Variants in SYN3 observed in about 807,000 individuals in gnomAD.
SYN3 encodes the protein synapsin III.
In SYN3, 35 loss-of-function variants were observed where a neutral mutation model predicts 65.8. The observed-to-expected ratio is 0.53, with a 90% confidence interval of 0.41 to 0.70. SYN3 has a LOEUF of 0.70. Among genes scored for constraint, SYN3 ranks in the 30% least tolerant of loss-of-function variants. The probability of loss-of-function intolerance (pLI) is 0.00; values close to 1 mark genes in which losing one functional copy is unlikely to be tolerated. For synonymous variants in SYN3, 270 were observed against 292.9 expected, an observed-to-expected ratio of 0.92 and a Z score of 0.80; for missense variants, 680 against 749.0, an observed-to-expected ratio of 0.91 and a Z score of 1.08.
At chr22:32,614,029 C>A (rs1174039378) in intron 6 of SYN3, among the ~76,000 whole-genome samples, 2 of 152,206 alleles carry the variant, frequency 1.3e-5, no homozygotes, top group Non-Finnish European at 2.9e-5. Context: ...TCAAGTTCTG[C>A]ATTTGTGAAT....
intron 2 of SYN3, among the ~76,000 whole-genome samples, chr22:32,994,663 G>A (rs1249688558): frequency 6.6e-6 from 1 of 152,106 alleles, no homozygotes; most frequent in African/African-American, 2.4e-5. Context: ...CTAGGAGGAG[G>A]GGACTGACTT....
chr22:32,912,756 A>G (rs751642710), intron 4 of SYN3, among the ~76,000 whole-genome samples: 8 of 152,138 alleles, frequency 5.3e-5, no homozygotes, highest in Non-Finnish European at 1.2e-4. Flanking sequence ...AAGGCTACAT[A>G]CTGAATAATT....
intron 6 of SYN3, among the ~76,000 whole-genome samples, chr22:32,675,530 C>T (rs1192926976): frequency 3.9e-5 from 6 of 152,020 alleles, no homozygotes; most frequent in African/African-American, 1.2e-4. Flanking sequence ...ATGCTGGAGA[C>T]GTTATTAAAA....
chr22:32,652,939 C>A (rs1012366), intron 6 of SYN3, among the ~76,000 whole-genome samples: 46,228 of 152,082 alleles, frequency 0.3, 10,016 homozygotes, highest in East Asian at 0.73. Context: ...ACCTCACAGT[C>A]AATAAGAATT....
intron 6 of SYN3, among the ~76,000 whole-genome samples, chr22:32,628,105 G>T (rs1318599384): frequency 6.6e-6 from 1 of 152,140 alleles, no homozygotes; most frequent in Non-Finnish European, 1.5e-5. Flanking sequence ...GATTACAGGT[G>T]TGAGCCACCG....
chr22:33,034,204 A>G (rs767678668), intron 1 of SYN3, among the ~76,000 whole-genome samples: 1 of 151,360 alleles, frequency 6.6e-6, no homozygotes, highest in Non-Finnish European at 1.5e-5. Flanking sequence ...ACACACACAC[A>G]CAATTAAAAG....
intron 6 of SYN3, among the ~76,000 whole-genome samples, chr22:32,748,185 T>C (rs1602050043): frequency 1.3e-5 from 2 of 152,200 alleles, no homozygotes; most frequent in South Asian, 4.1e-4. Context: ...AGTCTCATAA[T>C]ATAAGAATGA....
chr22:32,850,364 C>T (rs1388476995), intron 6 of SYN3, among the ~76,000 whole-genome samples: 1 of 151,962 alleles, frequency 6.6e-6, no homozygotes, highest in East Asian at 1.9e-4. Context: ...CTCTCTAGCT[C>T]AGGCATTCTA....
At chr22:32,642,671 G>A (rs1336711310) in intron 6 of SYN3, among the ~76,000 whole-genome samples, 3 of 151,804 alleles carry the variant, frequency 2.0e-5, no homozygotes, top group African/African-American at 4.8e-5. Flanking sequence ...CTCGTGATCC[G>A]CCCGCCTCGG....
chr22:32,972,049 G>A (rs1271707193), intron 3 of SYN3, among the ~76,000 whole-genome samples: 1 of 152,186 alleles, frequency 6.6e-6, no homozygotes, highest in Non-Finnish European at 1.5e-5. Context: ...TGTGACCTTG[G>A]AAGAGGCAGC....
chr22:32,581,843 T>G (rs1286549514), intron 7 of SYN3, among the ~76,000 whole-genome samples: 2 of 140,806 alleles, frequency 1.4e-5, no homozygotes, highest in African/African-American at 2.7e-5. Flanking sequence ...GTGGCCCAGG[T>G]TGGAGTGCGG....
intron 4 of SYN3, among the ~76,000 whole-genome samples, chr22:32,909,410 G>A (rs2049988629): frequency 6.6e-6 from 1 of 152,116 alleles, no homozygotes. Context: ...CAGGATCTAG[G>A]CAAAGCTGCC....
At chr22:32,881,896 A>C (rs2049150097) in intron 4 of SYN3, among the ~76,000 whole-genome samples, 1 of 152,024 alleles carries the variant, frequency 6.6e-6, no homozygotes, top group Admixed American at 6.6e-5. Context: ...TCTCTACTAA[A>C]AATACAAAAA....
At chr22:32,543,147 C>G (rs533718564) in intron 7 of SYN3, among the ~76,000 whole-genome samples, 1 of 152,276 alleles carries the variant, frequency 6.6e-6, no homozygotes, top group South Asian at 2.1e-4. Context: ...CTGTCCCTCC[C>G]ACAAGAATGC....
chr22:32,544,666 A>C (rs2058310516), intron 7 of SYN3, among the ~76,000 whole-genome samples: 1 of 152,032 alleles, frequency 6.6e-6, no homozygotes, highest in Admixed American at 6.5e-5. Flanking sequence ...CTATGTTGCC[A>C]CCTCTTCTTC....
chr22:32,707,129 TAATGATGATATTGATA>T (rs1266245416), intron 6 of SYN3, among the ~76,000 whole-genome samples: 1 of 152,210 alleles, frequency 6.6e-6, no homozygotes. Flanking sequence ...AATGATAAAA[TAATGATGATATTGATA>T]AAAACCCATG....
intron 6 of SYN3, among the ~76,000 whole-genome samples, chr22:32,848,003 T>C (rs983444822): frequency 6.6e-6 from 1 of 152,258 alleles, no homozygotes; most frequent in African/African-American, 2.4e-5. Context: ...TTTTCTTTGG[T>C]TGAGCCAATG....
chr22:32,552,299 T>G (rs1414193625), intron 7 of SYN3, among the ~76,000 whole-genome samples: 1 of 152,112 alleles, frequency 6.6e-6, no homozygotes, highest in Non-Finnish European at 1.5e-5. Flanking sequence ...GGGTGAATTT[T>G]ATAGCATGAG....
At chr22:32,565,590 C>G (rs2058661466) in intron 7 of SYN3, among the ~76,000 whole-genome samples, 2 of 150,768 alleles carry the variant, frequency 1.3e-5, no homozygotes, top group Admixed American at 6.6e-5. Flanking sequence ...GATCCTAGCT[C>G]ACTGCAGCCT....
Sources: gnomAD v4.1 joint callset for allele counts (sites outside exome capture counted in the v4.1 genomes callset) on GRCh38, gnomAD v4.1.1 for gene constraint, MANE v1.5 for transcripts, NCBI Gene and HGNC (gene_info 2026-07-23, HGNC 2026-07-21) for gene names.